The following DSCAML1 variants were observed in gnomAD, a reference collection of about 807,000 sequenced individuals.
DSCAML1 encodes cell adhesion molecule DSCAML1.
In DSCAML1, 38 loss-of-function variants were observed where a neutral mutation model predicts 200.5. That is an observed-to-expected ratio of 0.19 (90% CI 0.15 to 0.25). The LOEUF (loss-of-function observed/expected upper bound fraction) is 0.25. DSCAML1 is among the 10% of genes least tolerant of loss of function. DSCAML1 has a pLI of 1.00. For missense variants in DSCAML1, 2,223 were observed against 2,858.8 expected, an observed-to-expected ratio of 0.78 and a Z score of 5.07; for synonymous variants, 1,215 against 1,165.0, an observed-to-expected ratio of 1.04 and a Z score of -0.87.
chr11:117,453,677 T>C (rs7936274), intron 19 of DSCAML1, among the ~76,000 whole-genome samples: 83,571 of 149,734 alleles, frequency 0.56, 23,310 homozygotes, highest in African/African-American at 0.6. Flanking sequence ...GCTTTTAAGA[T>C]CTCTCTCTCT....
intron 3 of DSCAML1, among the ~76,000 whole-genome samples, chr11:117,717,188 C>T (rs78756874): frequency 0.049 from 7,516 of 152,262 alleles, 256 homozygotes; most frequent in Non-Finnish European, 0.075. Context: ...AGGCTGCCTC[C>T]GGTCACTTGG....
intron 3 of DSCAML1, among the ~76,000 whole-genome samples, chr11:117,746,606 C>T (rs1337126710): frequency 3.3e-5 from 5 of 152,188 alleles, no homozygotes; most frequent in Admixed American, 2.0e-4. Flanking sequence ...CACCTGCCAA[C>T]GTGGCCTCCT....
Position 117,518,283 on chromosome 11 carries a change from C to A in DSCAML1, c.1510+183G>T. On this transcript the variant is annotated intron_variant, in intron 7 of 32. Coordinates refer to ENST00000651296, the MANE Select transcript of DSCAML1 (RefSeq NM_020693.4). The surrounding 1 kb of genome is among the most constrained non-coding windows in gnomAD (Gnocchi z 6.3). ...GAACTGTACCAGACACACACACGCA[C>A]ACAAGAATGGATGATGGCGCTTGAG... 2.7e-6 allele frequency: 2 copies of A among 754,118 alleles called. No individual in the cohort carries two copies. Among genetic ancestry groups the A allele is most frequent in the Non-Finnish European group, 4.4e-6 (2 of 453,294 alleles). The allele number at this position is 754,118 out of a possible 1,614,324, so 46.7% of individuals were successfully genotyped here. A position where few individuals can be genotyped will look rare whatever the true frequency, so the allele number is the denominator to read the frequency against.
chr11:117,537,442 G>C (rs996119445), intron 3 of DSCAML1, among the ~76,000 whole-genome samples: 1 of 152,216 alleles, frequency 6.6e-6, no homozygotes, highest in Non-Finnish European at 1.5e-5. Flanking sequence ...TGTACAAAGG[G>C]GGGCTGGGCC....
chr11:117,558,423 T>C lies in DSCAML1; in HGVS notation c.512-25901A>G, dbSNP rs149540555. On this transcript the variant is annotated intron_variant, in intron 3 of 32. Transcript: ENST00000651296. ...GAGAAGCAAGAAGATAATAAAACAATAGCCACCCAAGGAAGTTGGAGCCAC... is the reference window on the plus strand; with the variant it reads ...GAGAAGCAAGAAGATAATAAAACAACAGCCACCCAAGGAAGTTGGAGCCAC... 4.2e-3 allele frequency among the ~76,000 whole-genome samples: 634 copies of C among 152,170 alleles called. 5 individuals carry two copies. Among genetic ancestry groups the C allele is most frequent in the African/African-American group, 0.015 (609 of 41,498 alleles).
chr11:117,459,551 G>A (rs2048439898), intron 18 of DSCAML1, among the ~76,000 whole-genome samples: 1 of 152,256 alleles, frequency 6.6e-6, no homozygotes, highest in Non-Finnish European at 1.5e-5. Flanking sequence ...TGAGTCTGGT[G>A]GAGCCGATAG....
intron 3 of DSCAML1, among the ~76,000 whole-genome samples, chr11:117,723,246 C>T (rs140759673): frequency 7.2e-4 from 110 of 152,304 alleles, no homozygotes; most frequent in African/African-American, 2.5e-3. Context: ...ATTAGTATAT[C>T]CTCTATATCT....
intron 3 of DSCAML1, among the ~76,000 whole-genome samples, chr11:117,569,962 A>G (rs1591277113): frequency 6.6e-6 from 1 of 152,244 alleles, no homozygotes; most frequent in South Asian, 2.1e-4. Flanking sequence ...ATAAACTTGT[A>G]TAAGATTAAG....
intron 3 of DSCAML1, among the ~76,000 whole-genome samples, chr11:117,716,179 G>A (rs1022394195): frequency 5.9e-5 from 9 of 152,244 alleles, no homozygotes; most frequent in Non-Finnish European, 1.0e-4. Flanking sequence ...AGCCCGGAGC[G>A]AGGAGCCAAG....
chr11:117,653,561 T>C (rs1317215991), intron 3 of DSCAML1, among the ~76,000 whole-genome samples: 1 of 152,152 alleles, frequency 6.6e-6, no homozygotes, highest in East Asian at 1.9e-4. Flanking sequence ...AGGACCAATG[T>C]GGGAGAGGAC....
chr11:117,777,302 C>A (rs566007153), intron 2 of DSCAML1, among the ~76,000 whole-genome samples: 1 of 152,332 alleles, frequency 6.6e-6, no homozygotes, highest in East Asian at 1.9e-4. Context: ...ATGTTATATT[C>A]ACCAAGGGGA....
chr11:117,450,814 T>C lies in DSCAML1; in HGVS notation c.3569-126A>G, dbSNP rs867403079. 6 of 1,175,864 alleles carry C rather than the reference T, an allele frequency of 5.1e-6. No individual in the cohort carries two copies. The South Asian group carries it at 9.5e-5, about 19-fold the overall frequency. 72.8% of individuals were successfully genotyped at this position (1,175,864 alleles called of 1,614,324 possible). A position where few individuals can be genotyped will look rare whatever the true frequency, so the allele number is the denominator to read the frequency against. ...CTTCTTGGAGGTGGCATCCTTGAGC[T>C]GTGGTTTAGAAGGGGAGGGTCCATC... On this transcript the variant is annotated intron_variant, in intron 19 of 32. Transcript: ENST00000651296.
At chr11:117,694,409 A>C (rs1476350099) in intron 3 of DSCAML1, among the ~76,000 whole-genome samples, 1 of 151,656 alleles carries the variant, frequency 6.6e-6, no homozygotes, top group Non-Finnish European at 1.5e-5. Context: ...CCATCTCAAA[A>C]GAAAAAAAAA....
chr11:117,811,822 T>G lies in DSCAML1; in HGVS notation c.-250+5568A>C, dbSNP rs908016243. Among the ~76,000 whole-genome samples the G allele has an allele frequency of 1.2e-4, 19 of 152,116 alleles. No homozygotes were observed. In the East Asian group the frequency reaches 1.4e-3, roughly 11 times the overall value. ...GCTTTAAGTAACTCTCACAGTGGAG[T>G]GTAAGTCCATCCCCTTCTTAATCAA... On this transcript the variant is annotated intron_variant, in intron 1 of 2. Transcript: ENST00000525836.
chr11:117,675,755 T>C (rs1015787940), intron 3 of DSCAML1, among the ~76,000 whole-genome samples: 7 of 152,090 alleles, frequency 4.6e-5, no homozygotes, highest in Non-Finnish European at 1.0e-4. Context: ...CTTGTTGGCG[T>C]AAAGGCCGGC....
At chr11:117,813,787 G>A (rs545217344) in intron 1 of DSCAML1, among the ~76,000 whole-genome samples, 26 of 152,186 alleles carry the variant, frequency 1.7e-4, no homozygotes, top group African/African-American at 6.0e-4. Flanking sequence ...GAAGCAGCCC[G>A]GAGAAACATC....
At chr11:117,763,551 G>C (rs1264083257) in intron 3 of DSCAML1, among the ~76,000 whole-genome samples, 3 of 151,968 alleles carry the variant, frequency 2.0e-5, no homozygotes, top group Non-Finnish European at 2.9e-5. Context: ...ATTGCCCTTC[G>C]ATACATACAA....
intron 20 of DSCAML1, among the ~76,000 whole-genome samples, chr11:117,444,600 C>T (rs2048139634): frequency 6.6e-6 from 1 of 152,080 alleles, no homozygotes; most frequent in South Asian, 2.1e-4. Flanking sequence ...CTGGGTAGCA[C>T]TTTATTAATG....
intron 3 of DSCAML1, among the ~76,000 whole-genome samples, chr11:117,673,826 C>T (rs1407899607): frequency 6.6e-6 from 1 of 152,218 alleles, no homozygotes; most frequent in Non-Finnish European, 1.5e-5. Context: ...CGGACAGCTG[C>T]CTGGGGAGAA....
Sources: gnomAD v4.1 joint callset for allele counts (sites outside exome capture counted in the v4.1 genomes callset) on GRCh38, gnomAD v4.1.1 for gene constraint, Gnocchi (gnomAD v3.1) non-coding constraint, MANE v1.5 for transcripts, NCBI Gene and HGNC (gene_info 2026-07-23, HGNC 2026-07-21) for gene names.